VGLL3: variants seen among roughly 807,000 people sequenced by gnomAD.
The protein encoded by VGLL3 is vestigial like family member 3, also known as transcription cofactor vestigial-like protein 3.
Under a neutral mutation model 29.2 loss-of-function variants are expected in VGLL3, and 18 were observed. The observed-to-expected ratio is 0.62, with a 90% CI of 0.43 to 0.91. The LOEUF (loss-of-function observed/expected upper bound fraction) is 0.91, where lower values mean the gene tolerates loss of function less well. Ranked by LOEUF, VGLL3 falls within the 40% of genes least tolerant of loss-of-function variation. The pLI, the probability that VGLL3 is intolerant of heterozygous loss-of-function variation, is 0.00. For missense variants in VGLL3, 440 were observed against 413.2 expected, an observed-to-expected ratio of 1.06 and a Z score of -0.56; for synonymous variants, 180 against 151.8, an observed-to-expected ratio of 1.19 and a Z score of -1.36.
rs770085604 is a variant in VGLL3 at position 86,969,054 on chromosome 3, G to C, written c.473C>G (p.Pro158Arg). Reference protein sequence around the residue: ...TSFWTSSYQPPPAPCLGGVHP... With the variant: ...TSFWTSSYQPRPAPCLGGVHP... ...AACTCCCCCCAAACAAGGTGCAGGT[G>C]GGGGCTGGTAAGAGCTGGTCCAAAA... The change falls in exon 3 of 4, where the codon CCA (proline) becomes CGA (arginine). Residue 158 changes from proline (P) to arginine (R), a missense_variant. Physicochemically the swap from Pro to Arg is moderately radical, Grantham distance 103. Coordinates refer to ENST00000398399, the MANE Select transcript of VGLL3 (RefSeq NM_016206.4). The C allele has an allele frequency of 1.2e-6, 2 of 1,614,018 alleles. No homozygotes were observed. The highest frequency in any genetic ancestry group is 1.7e-6 in the Non-Finnish European group (2 of 1,179,940).
At chr3:86,990,549 G>T in intron 1 of VGLL3, 69 bp downstream of exon 1, 2 of 1,306,752 alleles carry the variant, frequency 1.5e-6, no homozygotes, top group Non-Finnish European at 9.8e-7. Flanking sequence ...GGACGTCGCC[G>T]AGCCCCAGAC....
intron 2 of VGLL3, among the ~76,000 whole-genome samples, chr3:86,976,955 A>G (rs1248652776): frequency 1.3e-5 from 2 of 152,178 alleles, no homozygotes; most frequent in East Asian, 3.9e-4. Context: ...TTCCTCTACA[A>G]ATTATTAAAA....
chr3:86,963,878 T>C (rs773086574), intron 3 of VGLL3, among the ~76,000 whole-genome samples: 1 of 152,146 alleles, frequency 6.6e-6, no homozygotes, highest in Non-Finnish European at 1.5e-5. Context: ...GTCCACTAAC[T>C]CTCCAGGAGT....
intron 3 of VGLL3, among the ~76,000 whole-genome samples, chr3:86,948,246 G>A (rs574230232): frequency 2.0e-5 from 3 of 152,118 alleles, no homozygotes; most frequent in Non-Finnish European, 4.4e-5. Flanking sequence ...CAAAGTTGCT[G>A]TTGTGTGGGT....
At position 86,991,019 on chromosome 3, in the gene VGLL3, C is replaced by T; in HGVS notation, c.-276G>A. The T allele has an allele frequency of 2.4e-6, 2 of 818,486 alleles. No individual in the cohort carries two copies. The highest frequency in any genetic ancestry group is 3.0e-6 in the Non-Finnish European group (2 of 671,714). The allele number at this position is 818,486 out of a possible 1,614,324, so 50.7% of individuals were successfully genotyped here. A position where few individuals can be genotyped will look rare whatever the true frequency, so the allele number is the denominator to read the frequency against. On this transcript the variant is annotated 5_prime_UTR_variant, in exon 1 of 4. Coordinates refer to ENST00000398399, the MANE Select transcript of VGLL3 (RefSeq NM_016206.4). ...ATAGCGGCTCAGGGACGCAGCCGCC[C>T]GCTGCGCCGCTGGGGCATTACCGCG...
chr3:86,959,354 T>C (rs1207910469), intron 3 of VGLL3, among the ~76,000 whole-genome samples: 1 of 152,152 alleles, frequency 6.6e-6, no homozygotes, highest in African/African-American at 2.4e-5. Flanking sequence ...ATTACTAATA[T>C]TGTCAGGAAA....
chr3:86,990,755 C>T lies in VGLL3; in HGVS notation c.-12G>A, dbSNP rs977424180. The T allele has an allele frequency of 1.1e-5, 15 of 1,313,374 alleles. No individual in the cohort carries two copies. Among genetic ancestry groups the T allele is most frequent in the African/African-American group, 4.6e-5 (3 of 64,890 alleles). 81.4% of individuals were successfully genotyped at this position (1,313,374 alleles called of 1,614,324 possible). ...TCCGCACAACTCATGGCAGCCGGGG[C>T]AGTGGCGGCCCCCGAGCTGCCGCCG... On this transcript the variant is annotated 5_prime_UTR_variant, in exon 1 of 4. Coordinates refer to ENST00000398399, the MANE Select transcript of VGLL3 (RefSeq NM_016206.4).
intron 3 of VGLL3, among the ~76,000 whole-genome samples, chr3:86,965,603 C>T (rs1704941487): frequency 6.6e-6 from 1 of 152,192 alleles, no homozygotes; most frequent in African/African-American, 2.4e-5. Flanking sequence ...CCCTTTAGGA[C>T]CGAGGCATTT....
intron 1 of VGLL3, among the ~76,000 whole-genome samples, 180 bp from the exon 2 acceptor site, chr3:86,978,982 T>A (rs544379385): frequency 6.6e-6 from 1 of 152,030 alleles, no homozygotes; most frequent in South Asian, 2.1e-4. Flanking sequence ...CTTCCCACAC[T>A]AAAAAAAATA....
At position 86,984,646 on chromosome 3, in the gene VGLL3, A is replaced by G. The variant is rs892349556; in HGVS notation, c.127-5844T>C. 2.6e-5 allele frequency among the ~76,000 whole-genome samples: 4 copies of G among 152,188 alleles called. No homozygotes were observed. The South Asian group carries it at 6.2e-4, about 24-fold the overall frequency. ...ATAATTCTATTACTAGACTTAGGGT[A>G]TAATTTCATTTTTAAGGTAATTTAT... is the stretch of plus-strand genomic sequence containing the variant. On this transcript the variant is annotated intron_variant, in intron 1 of 3. Transcript: ENST00000398399.
At chr3:86,988,504 A>T (rs1260972559) in intron 1 of VGLL3, among the ~76,000 whole-genome samples, 1 of 151,298 alleles carries the variant, frequency 6.6e-6, no homozygotes, top group Non-Finnish European at 1.5e-5. Context: ...GAATTTCCTG[A>T]TTTACTCTCT....
intron 2 of VGLL3, among the ~76,000 whole-genome samples, chr3:86,969,750 C>T (rs906260721): frequency 1.7e-4 from 24 of 145,366 alleles, no homozygotes; most frequent in Middle Eastern, 3.8e-3. Flanking sequence ...GTCTCTAGAC[C>T]GAGAATAAAA....
intron 3 of VGLL3, among the ~76,000 whole-genome samples, chr3:86,953,829 G>A (rs1704662572): frequency 6.6e-6 from 1 of 152,032 alleles, no homozygotes; most frequent in Non-Finnish European, 1.5e-5. Flanking sequence ...TTCTTCCCAT[G>A]TATTACAAAT....
Position 86,978,719 on chromosome 3 carries a change from CTCCTCCTCA to C in VGLL3, c.201_209del (p.Asp67_Glu69del). 6.2e-7 allele frequency: 1 copy of C among 1,614,068 alleles called. No individual in the cohort carries two copies. The highest frequency in any genetic ancestry group is 8.5e-7 in the Non-Finnish European group (1 of 1,180,006). ...CAGGCTGGTCTTTCTCCTCCTCCTC[CTCCTCCTCA>C]TCCTCCTCCTCTTGTTTGCTGGGAA... On this transcript the variant is annotated inframe_deletion, in exon 2 of 4. Transcript: ENST00000398399.
intron 1 of VGLL3, among the ~76,000 whole-genome samples, chr3:86,980,840 T>A (rs1250081797): frequency 6.7e-6 from 1 of 148,564 alleles, no homozygotes; most frequent in Non-Finnish European, 1.5e-5. Context: ...GCTCTGTTTT[T>A]CTATGAAAAA....
chr3:86,957,150 A>G (rs1236736178), intron 3 of VGLL3, among the ~76,000 whole-genome samples: 2 of 152,170 alleles, frequency 1.3e-5, no homozygotes, highest in East Asian at 3.9e-4. Context: ...AAATGTTCAA[A>G]TGTATAAAAA....
chr3:86,987,964 C>T (rs1705487323), intron 1 of VGLL3, among the ~76,000 whole-genome samples: 1 of 152,102 alleles, frequency 6.6e-6, no homozygotes, highest in South Asian at 2.1e-4. Flanking sequence ...TAATGAAGTT[C>T]TGTTATTTCC....
intron 1 of VGLL3, among the ~76,000 whole-genome samples, chr3:86,988,987 A>G (rs1176359474): frequency 6.6e-6 from 1 of 152,144 alleles, no homozygotes; most frequent in African/African-American, 2.4e-5. Flanking sequence ...GGGCTATTGC[A>G]AACATTATAT....
In VGLL3 at chr3:86,968,848, T is replaced by G. The variant is rs193078775; in HGVS notation, c.679A>C (p.Met227Leu). The change falls in exon 3 of 4, where the codon ATG becomes CTG. Residue 227 changes from methionine to leucine, a missense_variant. Transcript: ENST00000398399. ...TGGGCATGAGGGTGGTGGTGCCGCA[T>G]GTACACGTCATGCATATGGCTGTAG... ...PSYSHMHDVYMRHHHPHAHMH... is the reference protein window; with the variant it reads ...PSYSHMHDVYLRHHHPHAHMH... The G allele has an allele frequency of 3.0e-3, 4,814 of 1,614,076 alleles. 16 individuals are homozygous for G. The highest frequency in any genetic ancestry group is 3.5e-3 in the Non-Finnish European group (4,084 of 1,180,012).
Sources: gnomAD v4.1 joint callset for allele counts (sites outside exome capture counted in the v4.1 genomes callset) on GRCh38, gnomAD v4.1.1 for gene constraint, MANE v1.5 for transcripts, NCBI Gene and HGNC (gene_info 2026-07-23, HGNC 2026-07-21) for gene names.